The following OSBPL9 variants were observed in gnomAD, a reference collection of about 807,000 sequenced individuals.
OSBPL9 encodes the protein oxysterol binding protein like 9.
In OSBPL9, 40 loss-of-function variants were observed where a neutral mutation model predicts 106.6. The ratio of observed to expected loss-of-function variants is 0.38; its 90% CI spans 0.29 to 0.49. The LOEUF (loss-of-function observed/expected upper bound fraction) is 0.49. Ranked by LOEUF, OSBPL9 falls within the 20% of genes least tolerant of loss-of-function variation. The pLI is 0.97. For synonymous variants in OSBPL9, 269 were observed against 295.4 expected (o/e 0.91, Z 0.92); for missense variants, 609 against 887.2 (o/e 0.69, Z 3.98).
intron 15 of OSBPL9, among the ~76,000 whole-genome samples, chr1:51,780,404 A>G (rs1283641592): frequency 1.3e-5 from 2 of 152,224 alleles, no homozygotes; most frequent in African/African-American, 4.8e-5. Context: ...TATATGAAAA[A>G]GACACATGCA....
intron 1 of OSBPL9, among the ~76,000 whole-genome samples, chr1:51,631,246 A>C (rs143646102): frequency 6.6e-6 from 1 of 152,254 alleles, no homozygotes; most frequent in East Asian, 1.9e-4. Context: ...AAGATATCTC[A>C]AAAAGGCCAA....
At chr1:51,603,507 T>C (rs1429609582) in intron 2 of OSBPL9, among the ~76,000 whole-genome samples, 1 of 152,254 alleles carries the variant, frequency 6.6e-6, no homozygotes, top group Admixed American at 6.5e-5. Flanking sequence ...TTCATGATAC[T>C]GCCTCTCTTT....
upstream of OSBPL9, chr1:51,614,443 C>A (rs890311555): frequency 6.6e-6 from 1 of 151,896 alleles, no homozygotes; most frequent in Non-Finnish European, 1.5e-5. Flanking sequence ...TGTGTGCCAC[C>A]ATAACCAACA....
intron 1 of OSBPL9, among the ~76,000 whole-genome samples, chr1:51,647,170 T>A (rs747103561): frequency 2.0e-5 from 3 of 152,178 alleles, no homozygotes; most frequent in Non-Finnish European, 4.4e-5. Flanking sequence ...TTTCTGTGTC[T>A]TTTGAGATGA....
At chr1:51,736,164 A>G (rs989574747) in intron 4 of OSBPL9, among the ~76,000 whole-genome samples, 1 of 152,208 alleles carries the variant, frequency 6.6e-6, no homozygotes, top group Non-Finnish European at 1.5e-5. Context: ...TAGAGAATAA[A>G]ACGAAGTCCT....
At chr1:51,689,303 A>G (rs1479576789) in intron 3 of OSBPL9, among the ~76,000 whole-genome samples, 1 of 152,042 alleles carries the variant, frequency 6.6e-6, no homozygotes, top group Non-Finnish European at 1.5e-5. Flanking sequence ...CTTTTTTCCT[A>G]TAGATTTATA....
chr1:51,548,479 C>T, the OSBPL9 span, among the ~76,000 whole-genome samples: 9,051 of 152,124 alleles, frequency 0.059, 863 homozygotes, highest in African/African-American at 0.2. Context: ...TCACTGAAGC[C>T]TCTATCTCCT....
intron 4 of OSBPL9, among the ~76,000 whole-genome samples, chr1:51,722,611 CGTTGTGGG>C (rs1379084680): frequency 3.9e-5 from 6 of 152,166 alleles, no homozygotes; most frequent in African/African-American, 1.4e-4. Flanking sequence ...GTGAACAAGG[CGTTGTGGG>C]GTTGTATAGA....
chr1:51,789,188 C>T lies in OSBPL9; in HGVS notation c.*1399C>T. On this transcript the variant is annotated 3_prime_UTR_variant, in exon 24 of 24. Coordinates refer to ENST00000428468, the MANE Select transcript of OSBPL9 (RefSeq NM_024586.6). ...ACTAACTCCATAAAATACAAACAAA[C>T]ACATTTTAAAATACACATTGCTTCA... 6.4e-7 allele frequency: 1 copy of T among 1,550,776 alleles called. No homozygotes were observed. The highest frequency in any genetic ancestry group is 1.1e-5 in the South Asian group (1 of 89,764).
chr1:51,777,480 T>C (rs1192665303), intron 15 of OSBPL9, among the ~76,000 whole-genome samples: 1 of 152,214 alleles, frequency 6.6e-6, no homozygotes. Flanking sequence ...CACATTGCCT[T>C]TCGCTGGTAG....
chr1:51,720,641 C>G (rs1384519948), intron 4 of OSBPL9, among the ~76,000 whole-genome samples: 3 of 151,830 alleles, frequency 2.0e-5, no homozygotes, highest in African/African-American at 7.3e-5. Flanking sequence ...TGTTTCTTAA[C>G]TTTATGCTAT....
At chr1:51,605,214 C>T (rs1368463104) in intron 2 of OSBPL9, among the ~76,000 whole-genome samples, 1 of 152,132 alleles carries the variant, frequency 6.6e-6, no homozygotes, top group Non-Finnish European at 1.5e-5. Context: ...ATGTGCAAGC[C>T]AATAAAGGCA....
intron 2 of OSBPL9, among the ~76,000 whole-genome samples, chr1:51,657,068 A>T (rs755780734): frequency 1.3e-5 from 2 of 152,224 alleles, no homozygotes; most frequent in Non-Finnish European, 2.9e-5. Flanking sequence ...CTTGGATAAT[A>T]AGTTCCTATT....
At chr1:51,552,275 T>TA in the OSBPL9 span, among the ~76,000 whole-genome samples, 8 of 152,154 alleles carry the variant, frequency 5.3e-5, no homozygotes, top group Non-Finnish European at 1.2e-4. Flanking sequence ...CCCCAGCACT[T>TA]ACAACAGTGC....
Position 51,660,648 on chromosome 1 carries a change from A to G in OSBPL9, c.162+8607A>G, listed in dbSNP as rs562252950. 5.3e-5 allele frequency among the ~76,000 whole-genome samples: 8 copies of G among 152,350 alleles called. No individual in the cohort carries two copies. The South Asian group carries it at 8.3e-4, about 16-fold the overall frequency. ...ATCTAGGCCAGTGCCTAGAAATTCA[A>G]TAAATACTTGTTGAATCAATGAATG... On this transcript the variant is annotated intron_variant, in intron 2 of 23. Transcript: ENST00000428468.
At chr1:51,634,163 G>A (rs1191958792) in intron 1 of OSBPL9, among the ~76,000 whole-genome samples, 2 of 152,010 alleles carry the variant, frequency 1.3e-5, no homozygotes, top group African/African-American at 2.4e-5. Context: ...TGTTCTTCTT[G>A]TTCCCTTTTT....
Position 51,729,786 on chromosome 1 carries a change from G to T in OSBPL9, c.318+15707G>T, listed in dbSNP as rs1663894328. The T allele has an allele frequency of 2.4e-6, 3 of 1,226,958 alleles. No homozygotes were observed. The African/African-American group carries it at 4.7e-5, about 19-fold the overall frequency. The allele number at this position is 1,226,958 out of a possible 1,614,324, so 76.0% of individuals were successfully genotyped here. ...AGCCAATCGGGGCGACCCCTCCGCC[G>T]GGGAGGGGACGGGAAAGGGGTGGGG... On this transcript the variant is annotated intron_variant, in intron 4 of 23. Coordinates refer to ENST00000428468, the MANE Select transcript of OSBPL9 (RefSeq NM_024586.6). The surrounding 1 kb of genome is among the most constrained non-coding windows in gnomAD (Gnocchi z 5.1).
intron 4 of OSBPL9, among the ~76,000 whole-genome samples, chr1:51,737,288 CT>C (rs1179474873): frequency 6.6e-6 from 1 of 151,930 alleles, no homozygotes; most frequent in Non-Finnish European, 1.5e-5. Flanking sequence ...AAGAATAATG[CT>C]TATGACCTTG....
chr1:51,575,976 C>T (rs1645181467), upstream of OSBPL9, among the ~76,000 whole-genome samples: 1 of 152,224 alleles, frequency 6.6e-6, no homozygotes, highest in Non-Finnish European at 1.5e-5. Flanking sequence ...AGCCCCTTTC[C>T]CTTACCACAT....
Sources: gnomAD v4.1 joint callset for allele counts (sites outside exome capture counted in the v4.1 genomes callset) on GRCh38, gnomAD v4.1.1 for gene constraint, Gnocchi (gnomAD v3.1) non-coding constraint, MANE v1.5 for transcripts, NCBI Gene and HGNC (gene_info 2026-07-23, HGNC 2026-07-21) for gene names.